Variants in TMCO1 observed in about 807,000 individuals in gnomAD.
The protein encoded by TMCO1 is calcium load-activated calcium channel.
TMCO1 carries 29 observed loss-of-function variants against 29.3 expected under a neutral mutation model. That is an observed-to-expected ratio of 0.99 (90% CI 0.74 to 1.35). The LOEUF (loss-of-function observed/expected upper bound fraction) is 1.35. Ranked by LOEUF, TMCO1 falls within the 40% of genes most tolerant of loss-of-function variation. The pLI is 0.00. For missense variants in TMCO1, 173 were observed against 225.5 expected (o/e 0.77, Z 1.49); for synonymous variants, 80 against 77.1 (o/e 1.04, Z -0.20).
rs774923189 is a variant in TMCO1, at chr1:165,750,998, A to T, written c.323+1104T>A. Among the ~76,000 whole-genome samples, 70 of 152,156 alleles carry T rather than the reference A, an allele frequency of 4.6e-4. 1 individual carries two copies. Among genetic ancestry groups the T allele is most frequent in the Non-Finnish European group, 9.3e-4 (63 of 68,024 alleles). On this transcript the variant is annotated intron_variant, in intron 5 of 6. Transcript: ENST00000367881. ...GGCAGGAGAATCACTTGAACCCAGG[A>T]GGCAGAAGTTGCAGTGAGCTGAGAT...
rs369740196 is a variant in TMCO1 at position 165,754,097 on chromosome 1, C to T, written c.255+131G>A. Reference sequence around the variant, plus strand: ...TTCACTTCCATTTGGTCCAGGAACACCCATGATATTATTTATAGCCTTCAC... The same window carrying T: ...TTCACTTCCATTTGGTCCAGGAACATCCATGATATTATTTATAGCCTTCAC... On this transcript the variant is annotated intron_variant, in intron 4 of 6. Transcript: ENST00000367881. The T allele has an allele frequency of 2.7e-5, 20 of 749,416 alleles. No individual in the cohort carries two copies. In the African/African-American group the frequency reaches 2.8e-4, roughly 10 times the overall value. 46.4% of individuals were successfully genotyped at this position (749,416 alleles called of 1,614,324 possible).
intron 5 of TMCO1, among the ~76,000 whole-genome samples, chr1:165,745,520 G>A (rs1651767508): frequency 6.8e-6 from 1 of 147,876 alleles, no homozygotes; most frequent in African/African-American, 2.5e-5. Context: ...CATGGTGCAT[G>A]TCTGTAGTCC....
chr1:165,766,852 A>G (rs1652588730), intron 2 of TMCO1, among the ~76,000 whole-genome samples: 1 of 152,212 alleles, frequency 6.6e-6, no homozygotes, highest in South Asian at 2.1e-4. Context: ...AGCCAAATTA[A>G]TAAAGCATAT....
chr1:165,763,984 ATAAAG>A (rs1339507966), intron 2 of TMCO1, among the ~76,000 whole-genome samples: 1 of 152,214 alleles, frequency 6.6e-6, no homozygotes, highest in African/African-American at 2.4e-5. Flanking sequence ...ATTTATTTCT[ATAAAG>A]TAAATAATTA....
At chr1:165,730,939 C>T (rs1005721525) in intron 6 of TMCO1, among the ~76,000 whole-genome samples, 4 of 147,222 alleles carry the variant, frequency 2.7e-5, no homozygotes, top group African/African-American at 1.0e-4. Context: ...CTCGCTCTGT[C>T]GCCAGGCTGG....
At chr1:165,745,824 G>A (rs910980852) in intron 5 of TMCO1, among the ~76,000 whole-genome samples, 2 of 151,968 alleles carry the variant, frequency 1.3e-5, no homozygotes, top group Non-Finnish European at 2.9e-5. Context: ...TTTTTTAAAT[G>A]TACAGGGTAC....
Position 165,728,980 on chromosome 1 carries a change from C to T in TMCO1, c.469-859G>A, listed in dbSNP as rs139554349. Among the ~76,000 whole-genome samples the T allele has an allele frequency of 6.6e-3, 1,008 of 151,986 alleles. 16 individuals carry two copies. The highest frequency in any genetic ancestry group is 0.022 in the African/African-American group (912 of 41,430). ...AATTAGCTGGGCATTGTGGCATACACCTGTAGTCCTAGCTACTCGGGAGGG... is the reference window on the plus strand; with the variant it reads ...AATTAGCTGGGCATTGTGGCATACATCTGTAGTCCTAGCTACTCGGGAGGG... On this transcript the variant is annotated intron_variant, in intron 6 of 6. Coordinates refer to ENST00000367881, the MANE Select transcript of TMCO1 (RefSeq NM_019026.6).
Position 165,726,817 on chromosome 1 carries a change from T to A in TMCO1, c.*1206A>T, listed in dbSNP as rs1422542413. 3 of 452,982 alleles carry A rather than the reference T, an allele frequency of 6.6e-6. No individual in the cohort carries two copies. The highest frequency in any genetic ancestry group is 1.3e-5 in the Non-Finnish European group (3 of 226,544). The allele number at this position is 452,982 out of a possible 1,614,324, so 28.1% of individuals were successfully genotyped here. On this transcript the variant is annotated 3_prime_UTR_variant, in exon 7 of 7. Coordinates refer to ENST00000367881, the MANE Select transcript of TMCO1 (RefSeq NM_019026.6). ...TAGTTTTGTATGTCTAAACATGTCT[T>A]TATTTTGCCTCCAATATTGTACATA... is the stretch of plus-strand genomic sequence containing the variant.
chr1:165,726,799 G>A lies in TMCO1; in HGVS notation c.*1224C>T, dbSNP rs939705364. The A allele has an allele frequency of 4.4e-6, 2 of 452,920 alleles. No homozygotes were observed. Among genetic ancestry groups the A allele is most frequent in the East Asian group, 7.0e-5 (1 of 14,380 alleles). The allele number at this position is 452,920 out of a possible 1,614,324, so 28.1% of individuals were successfully genotyped here. On this transcript the variant is annotated 3_prime_UTR_variant, in exon 7 of 7. Transcript: ENST00000367881. ...TTAATAATTCAACTCTCTTAGTTTT[G>A]TATGTCTAAACATGTCTTTATTTTG...
At chr1:165,725,840 G>T (rs555087803), downstream of TMCO1, 2 of 486,550 alleles carry the variant, frequency 4.1e-6, no homozygotes, top group Non-Finnish European at 8.0e-6. Context: ...TTTAAGAATA[G>T]AGTGAATATA....
chr1:165,754,171 AG>A, intron 4 of TMCO1, 56 bp downstream of exon 4: 1 of 1,438,328 alleles, frequency 7.0e-7, no homozygotes, highest in Non-Finnish European at 9.8e-7. Flanking sequence ...GATGTAAATC[AG>A]TCTTTTGCTA....
chr1:165,724,376 C>A (rs1650766252), downstream of TMCO1: 1 of 454,002 alleles, frequency 2.2e-6, no homozygotes, highest in Non-Finnish European at 4.4e-6. Flanking sequence ...TATGAAAAAA[C>A]CAGCATGCTA....
intron 5 of TMCO1, among the ~76,000 whole-genome samples, chr1:165,747,522 C>T (rs560771884): frequency 6.6e-6 from 1 of 152,260 alleles, no homozygotes; most frequent in African/African-American, 2.4e-5. Context: ...AGGAAGCTGA[C>T]ACTTGATTGA....
intron 2 of TMCO1, among the ~76,000 whole-genome samples, chr1:165,767,238 A>G (rs904337875): frequency 6.6e-6 from 1 of 152,184 alleles, no homozygotes; most frequent in Admixed American, 6.5e-5. Flanking sequence ...CAGAATACAG[A>G]AAGTTGTAGG....
chr1:165,765,823 A>G (rs1652546160), intron 2 of TMCO1, among the ~76,000 whole-genome samples: 1 of 152,172 alleles, frequency 6.6e-6, no homozygotes, highest in African/African-American at 2.4e-5. Flanking sequence ...GGTAAAAAGG[A>G]AGCATCTGTA....
intron 2 of TMCO1, among the ~76,000 whole-genome samples, chr1:165,764,708 G>A (rs1178247238): frequency 1.3e-5 from 2 of 152,180 alleles, no homozygotes; most frequent in Non-Finnish European, 2.9e-5. Flanking sequence ...GGGTGGTACT[G>A]TGCTGTGCTG....
chr1:165,734,156 T>C (rs1335685837), intron 6 of TMCO1, among the ~76,000 whole-genome samples: 5 of 152,226 alleles, frequency 3.3e-5, no homozygotes, highest in Non-Finnish European at 7.3e-5. Flanking sequence ...CAAAGCTGTA[T>C]ATAAAATCTA....
intron 4 of TMCO1, among the ~76,000 whole-genome samples, chr1:165,753,318 C>A (rs1175984188): frequency 9.9e-5 from 15 of 151,496 alleles, no homozygotes; most frequent in Admixed American, 6.6e-4. Flanking sequence ...ACAAAAAATA[C>A]AAAAATAAGC....
Position 165,759,534 on chromosome 1 carries a change from T to C in TMCO1, c.199A>G (p.Lys67Glu). Reference protein sequence around the residue: ...ITESAGRQQKKKIERQEEKLK... With the variant: ...ITESAGRQQKEKIERQEEKLK... The stretch of plus-strand genomic sequence containing the variant: ...TAATATCTCATCTTACCTATTTTCT[T>C]TTTCTGTTGTCGACCAGCTGACTCT... The change falls in exon 3 of 7, where the codon AAG (lysine) becomes GAG (glutamate). Residue 67 changes from lysine to glutamate, a missense_variant. Lys to Glu is a moderately conservative substitution (Grantham distance 56). Transcript: ENST00000367881. 1 of 1,612,286 alleles carries C rather than the reference T, an allele frequency of 6.2e-7. No individual in the cohort carries two copies. Among genetic ancestry groups the C allele is most frequent in the South Asian group, 1.1e-5 (1 of 90,874 alleles).
Sources: allele counts gnomAD v4.1 joint callset (sites outside exome capture counted in the v4.1 genomes callset), GRCh38; gene constraint gnomAD v4.1.1; transcripts MANE v1.5; gene names NCBI Gene and HGNC (gene_info 2026-07-23, HGNC 2026-07-21).